Variants in ADAM20 observed in about 807,000 individuals in gnomAD.
ADAM20 encodes the protein disintegrin and metalloproteinase domain-containing protein 20.
For missense variants in ADAM20, 871 were observed against 883.2 expected, an observed-to-expected ratio of 0.99 and a Z score of 0.18; for synonymous variants, 305 against 310.2, an observed-to-expected ratio of 0.98 and a Z score of 0.18.
chr14:70,554,464 C>G, the ADAM20 span, among the ~76,000 whole-genome samples: 1 of 152,062 alleles, frequency 6.6e-6, no homozygotes, highest in South Asian at 2.1e-4. Flanking sequence ...ATTCACATAG[C>G]TAAGATATGG....
the ADAM20 span, among the ~76,000 whole-genome samples, chr14:70,560,647 C>T: frequency 2.0e-5 from 3 of 151,940 alleles, no homozygotes; most frequent in African/African-American, 4.8e-5. Context: ...GGTGGATTTC[C>T]CTCTTGCTGT....
chr14:70,524,098 A>G lies in ADAM20; in HGVS notation c.660T>C (p.Tyr220=), dbSNP rs1234319479. 2 of 1,613,954 alleles carry G rather than the reference A, an allele frequency of 1.2e-6. No individual in the cohort carries two copies. The highest frequency in any genetic ancestry group is 1.7e-6 in the Non-Finnish European group (2 of 1,179,960). The change falls in exon 2 of 2, where the codon TAT becomes TAC. Residue 220 remains tyrosine (Y), a synonymous_variant. Coordinates refer to ENST00000256389, the MANE Select transcript of ADAM20 (RefSeq NM_003814.5). ...ELVVVVDNIR[Y]LFSQSNATTV... is the part of the protein sequence containing the mutation. ...TTGTTGCATTACTTTGAGAGAAAAG[A>G]TATCTAATATTATCCACGACCACTA...
At chr14:70,555,753 C>G in the ADAM20 span, among the ~76,000 whole-genome samples, 1 of 152,136 alleles carries the variant, frequency 6.6e-6, no homozygotes, top group Non-Finnish European at 1.5e-5. Context: ...TTTCCATCAC[C>G]TCAGTGCAAC....
At chr14:70,528,511 T>C (rs978500847) in intron 1 of ADAM20, among the ~76,000 whole-genome samples, 2 of 152,212 alleles carry the variant, frequency 1.3e-5, no homozygotes, top group African/African-American at 2.4e-5. Context: ...CCCTAATGTA[T>C]AGGGGGTTGA....
chr14:70,528,287 GAAC>G (rs1883633330), intron 1 of ADAM20, among the ~76,000 whole-genome samples: 2 of 152,180 alleles, frequency 1.3e-5, no homozygotes, highest in Admixed American at 6.5e-5. Context: ...GGGGAGTTTG[GAAC>G]AACAATTGGG....
At chr14:70,525,937 C>T (rs1883580169) in intron 1 of ADAM20, among the ~76,000 whole-genome samples, 1 of 152,104 alleles carries the variant, frequency 6.6e-6, no homozygotes, top group African/African-American at 2.4e-5. Flanking sequence ...AGAGGCTCCT[C>T]CTGGTCATGT....
chr14:70,567,533 G>A, the ADAM20 span, among the ~76,000 whole-genome samples: 5 of 152,324 alleles, frequency 3.3e-5, no homozygotes, highest in South Asian at 2.1e-4. Flanking sequence ...ACACAGCAGA[G>A]GTTCTTCCCA....
chr14:70,574,313 C>T, the ADAM20 span, among the ~76,000 whole-genome samples: 1 of 151,978 alleles, frequency 6.6e-6, no homozygotes, highest in Non-Finnish European at 1.5e-5. Context: ...GCAGCAAAAG[C>T]AGTACAAAGG....
chr14:70,527,452 A>C (rs867728817), intron 1 of ADAM20, among the ~76,000 whole-genome samples: 1 of 152,104 alleles, frequency 6.6e-6, no homozygotes, highest in Non-Finnish European at 1.5e-5. Context: ...TAAAATATTT[A>C]TCTTCCTTTA....
the ADAM20 span, among the ~76,000 whole-genome samples, chr14:70,559,706 T>C: frequency 6.6e-6 from 1 of 152,250 alleles, no homozygotes; most frequent in Non-Finnish European, 1.5e-5. Flanking sequence ...CCTTTGTTCA[T>C]TTCAGCTGGT....
At chr14:70,555,590 T>C in the ADAM20 span, among the ~76,000 whole-genome samples, 7 of 152,204 alleles carry the variant, frequency 4.6e-5, no homozygotes, top group South Asian at 1.0e-3. Flanking sequence ...CCTTTATCAG[T>C]TCTCTGTGGA....
the ADAM20 span, among the ~76,000 whole-genome samples, chr14:70,574,912 T>C: frequency 6.6e-6 from 1 of 151,926 alleles, no homozygotes; most frequent in African/African-American, 2.4e-5. Context: ...GAGGGCATTA[T>C]GCTAAGTAAA....
At chr14:70,562,536 T>C in the ADAM20 span, among the ~76,000 whole-genome samples, 1 of 152,316 alleles carries the variant, frequency 6.6e-6, no homozygotes, top group Non-Finnish European at 1.5e-5. Context: ...TGAAATAATA[T>C]GGTTTGGATT....
chr14:70,560,669 T>C, the ADAM20 span, among the ~76,000 whole-genome samples: 9 of 152,160 alleles, frequency 5.9e-5, no homozygotes, highest in Non-Finnish European at 7.3e-5. Flanking sequence ...CTCATGATAA[T>C]GATTCTCATG....
Position 70,523,011 on chromosome 14 carries a change from G to T in ADAM20, c.1747C>A (p.Gln583Lys). The change falls in exon 2 of 2, where the codon CAG becomes AAG. Residue 583 changes from glutamine to lysine, a missense_variant. Physicochemically the swap from Gln to Lys is moderately conservative, Grantham distance 53. Transcript: ENST00000256389. Reference protein sequence around the residue: ...PNLIEHSTVQQFHLNDTTCWG... With the variant: ...PNLIEHSTVQKFHLNDTTCWG... ...CAAGTGGTGTCATTGAGGTGAAACT[G>T]CTGCACTGTAGAATGCTCTATCAGA... 1 of 1,613,994 alleles carries T rather than the reference G, an allele frequency of 6.2e-7. No individual in the cohort carries two copies. The highest frequency in any genetic ancestry group is 1.1e-5 in the South Asian group (1 of 91,080).
chr14:70,574,318 C>T, the ADAM20 span, among the ~76,000 whole-genome samples: 1 of 152,008 alleles, frequency 6.6e-6, no homozygotes, highest in African/African-American at 2.4e-5. Context: ...AAAAGCAGTA[C>T]AAAGGGGAAA....
At chr14:70,559,402 C>T in the ADAM20 span, among the ~76,000 whole-genome samples, 1 of 152,016 alleles carries the variant, frequency 6.6e-6, no homozygotes, top group Non-Finnish European at 1.5e-5. Context: ...CCATCCCCAT[C>T]ATTATCACCC....
chr14:70,574,352 T>G, the ADAM20 span, among the ~76,000 whole-genome samples: 14 of 152,222 alleles, frequency 9.2e-5, no homozygotes, highest in African/African-American at 2.9e-4. Flanking sequence ...TATGCTACAT[T>G]AAGAAAGAAG....
the ADAM20 span, among the ~76,000 whole-genome samples, chr14:70,578,792 C>T: frequency 6.6e-6 from 1 of 151,962 alleles, no homozygotes; most frequent in Non-Finnish European, 1.5e-5. Flanking sequence ...ATGCTGTTGC[C>T]GAAGTAGGGA....
Sources: gnomAD v4.1 joint callset for allele counts (sites outside exome capture counted in the v4.1 genomes callset) on GRCh38, gnomAD v4.1.1 for gene constraint, MANE v1.5 for transcripts, NCBI Gene and HGNC (gene_info 2026-07-23, HGNC 2026-07-21) for gene names.